Variants in LY6L observed in about 807,000 individuals in gnomAD.
LY6L encodes lymphocyte antigen 6 family member L.
In LY6L, 8 loss-of-function variants were observed where a neutral mutation model predicts 8.3. The ratio of observed to expected loss-of-function variants is 0.97; its 90% confidence interval spans 0.57 to 1.74. The LOEUF (loss-of-function observed/expected upper bound fraction) is 1.74, where lower values mean the gene tolerates loss of function less well. Among genes scored for constraint, LY6L ranks in the 40% most tolerant of loss-of-function variants. The probability of loss-of-function intolerance (pLI) is 0.00; values close to 1 mark genes in which losing one functional copy is unlikely to be tolerated. For synonymous variants in LY6L, 79 were observed against 77.9 expected (o/e 1.01, Z -0.07); for missense variants, 156 against 183.8 (o/e 0.85, Z 0.87).
Position 143,082,718 on chromosome 8 carries a change from C to T in LY6L, c.*67C>T. 8.8e-6 allele frequency: 11 copies of T among 1,248,006 alleles called. No individual in the cohort carries two copies. In the South Asian group the frequency reaches 1.6e-4, roughly 18 times the overall value. 77.3% of individuals were successfully genotyped at this position (1,248,006 alleles called of 1,614,324 possible). On this transcript the variant is annotated 3_prime_UTR_variant, in exon 4 of 4. Transcript: ENST00000562505. ...CCCGTCTCCTGCCTCCAACTGCCAT[C>T]CTGCCTCCGCCCCTTCCAGGACACT... is the stretch of plus-strand genomic sequence containing the variant.
rs987847442 is a variant in LY6L, at chr8:143,082,886, A to G, written c.*235A>G. 1.2e-5 allele frequency: 6 copies of G among 502,240 alleles called. No individual in the cohort carries two copies. The highest frequency in any genetic ancestry group is 2.1e-5 in the Non-Finnish European group (6 of 283,640). The allele number at this position is 502,240 out of a possible 1,614,324, so 31.1% of individuals were successfully genotyped here. A position where few individuals can be genotyped will look rare whatever the true frequency, so the allele number is the denominator to read the frequency against. ...GCAACTGCTCCTCCTGGGGAAGGAC[A>G]GTGCCTCTGATGTGGGTGATGGGAA... On this transcript the variant is annotated 3_prime_UTR_variant, in exon 4 of 4. Transcript: ENST00000562505.
Position 143,081,063 on chromosome 8 carries a change from C to T in LY6L, c.10C>T (p.Leu4Phe), listed in dbSNP as rs1221868062. Residue 4 changes from leucine (L) to phenylalanine (F), a missense_variant, in exon 2 of 4, where the codon CTC (leucine) becomes TTC (phenylalanine). Physicochemically the swap from Leu to Phe is conservative, Grantham distance 22 (BLOSUM62 0). Transcript: ENST00000562505. The part of the protein sequence containing the change: MER[L>F]VLTLCTLPLA... ...TGAGCCTTCTGGCGTCATGGAGAGGCTCGTCCTAACCCTGTGCACCCTCCC... is the reference window on the plus strand; with the variant it reads ...TGAGCCTTCTGGCGTCATGGAGAGGTTCGTCCTAACCCTGTGCACCCTCCC... 4.6e-6 allele frequency: 7 copies of T among 1,534,358 alleles called. No homozygotes were observed. In the African/African-American group the frequency reaches 6.8e-5, roughly 15 times the overall value.
Position 143,081,340 on chromosome 8 carries a change from C to G in LY6L, c.190+13C>G, listed in dbSNP as rs1185807089. On this transcript the variant is annotated intron_variant, in intron 3 of 3. Transcript: ENST00000562505. ...GTCGTCTCTTTTAGTGAGTCCCCCC[C>G]GGGCAGAGGGCAGGTGCCAGGTGCC... The G allele has an allele frequency of 4.8e-6, 7 of 1,463,824 alleles. No individual in the cohort carries two copies. Among genetic ancestry groups the G allele is most frequent in the Non-Finnish European group, 5.5e-6 (6 of 1,094,552 alleles). 90.7% of individuals were successfully genotyped at this position (1,463,824 alleles called of 1,614,324 possible).
chr8:143,081,322 C>T lies in LY6L; in HGVS notation c.185C>T (p.Ser62Phe). The T allele has an allele frequency of 2.0e-6, 3 of 1,518,642 alleles. No homozygotes were observed. The South Asian group carries it at 3.6e-5, about 18-fold the overall frequency. 94.1% of individuals were successfully genotyped at this position (1,518,642 alleles called of 1,614,324 possible). A position where few individuals can be genotyped will look rare whatever the true frequency, so the allele number is the denominator to read the frequency against. Residue 62 changes from serine (S) to phenylalanine (F), a missense_variant, in exon 3 of 4, where the codon TCT (serine) becomes TTT (phenylalanine). Transcript: ENST00000562505. ...TGCATCTCCAACGAGGTGGTCGTCT[C>T]TTTTAGTGAGTCCCCCCCGGGCAGA... is the stretch of plus-strand genomic sequence containing the variant. ...QVCISNEVVV[S>F]FKWSVRVLLS...
rs111431098 is a variant in LY6L, at chr8:143,080,788, C to T, written c.-19+129C>T. The T allele has an allele frequency of 6.1e-4, 281 of 457,832 alleles. 2 individuals carry two copies. The highest frequency in any genetic ancestry group is 5.1e-3 in the African/African-American group (251 of 49,374). The allele number at this position is 457,832 out of a possible 1,614,324, so 28.4% of individuals were successfully genotyped here. On this transcript the variant is annotated intron_variant, in intron 1 of 3. Transcript: ENST00000562505. ...GCAGAGGGCCCAGGGAGAGGGAATG[C>T]GGGGAAGGGAGGAGAGCGAGCGTCG... is the stretch of plus-strand genomic sequence containing the variant.
chr8:143,082,739 A>T lies in LY6L; in HGVS notation c.*88A>T. On this transcript the variant is annotated 3_prime_UTR_variant, in exon 4 of 4. Transcript: ENST00000562505. ...CCATCCTGCCTCCGCCCCTTCCAGG[A>T]CACTGGGGGGGGACCCTCCCTCTCT... 9.2e-7 allele frequency: 1 copy of T among 1,088,092 alleles called. No homozygotes were observed. Among genetic ancestry groups the T allele is most frequent in the Non-Finnish European group, 1.3e-6 (1 of 791,992 alleles). The allele number at this position is 1,088,092 out of a possible 1,614,324, so 67.4% of individuals were successfully genotyped here. A position where few individuals can be genotyped will look rare whatever the true frequency, so the allele number is the denominator to read the frequency against.
chr8:143,082,686 G>A lies in LY6L; in HGVS notation c.*35G>A. The A allele has an allele frequency of 7.1e-7, 1 of 1,410,100 alleles. No individual in the cohort carries two copies. Among genetic ancestry groups the A allele is most frequent in the South Asian group, 1.5e-5 (1 of 67,098 alleles). The allele number at this position is 1,410,100 out of a possible 1,614,324, so 87.3% of individuals were successfully genotyped here. A position where few individuals can be genotyped will look rare whatever the true frequency, so the allele number is the denominator to read the frequency against. On this transcript the variant is annotated 3_prime_UTR_variant, in exon 4 of 4. Transcript: ENST00000562505. The stretch of plus-strand genomic sequence containing the variant: ...CTTTACGCCCCCTCCTGGCCCTGCT[G>A]GCCCATCCCGTCTCCTGCCTCCAAC...
At position 143,083,094 on chromosome 8, in the gene LY6L, A is replaced by ATGGTG. The variant is rs1820463419; in HGVS notation, c.*443_*444insTGGTG. ...GCCTCCGGTGTGGGTGATGGGAAGG[A>ATGGTG]CGGTACCTCCGGTGTGGGTGACGGG... is the stretch of plus-strand genomic sequence containing the variant. On this transcript the variant is annotated 3_prime_UTR_variant, in exon 4 of 4. Coordinates refer to ENST00000562505, the MANE Select transcript of LY6L (RefSeq NM_001368160.2). The ATGGTG allele has an allele frequency of 1.0e-5, 2 of 194,510 alleles. No individual in the cohort carries two copies. The highest frequency in any genetic ancestry group is 1.7e-4 in the East Asian group (1 of 5,856). 12.0% of individuals were successfully genotyped at this position (194,510 alleles called of 1,614,324 possible).
chr8:143,082,242 C>A (rs150944982), intron 3 of LY6L, among the ~76,000 whole-genome samples, 183 bp from the exon 4 acceptor site: 1 of 152,348 alleles, frequency 6.6e-6, no homozygotes, highest in African/African-American at 2.4e-5. Context: ...AGCTCTGCAG[C>A]GCCTCACCCA....
chr8:143,082,400 C>T, intron 3 of LY6L, 25 bp from the exon 4 acceptor site: 1 of 1,501,528 alleles, frequency 6.7e-7, no homozygotes, highest in Non-Finnish European at 8.9e-7. Context: ...GCTCTGGGGC[C>T]ACCTGCCTCT....
chr8:143,082,362 G>A (rs1019586602), intron 3 of LY6L, 63 bp from the exon 4 acceptor site: 33 of 1,225,384 alleles, frequency 2.7e-5, no homozygotes, highest in East Asian at 1.0e-4. Flanking sequence ...TGCACTTTCC[G>A]CATAACTGTG....
At chr8:143,082,357 T>C in intron 3 of LY6L, 68 bp from the exon 4 acceptor site, 2 of 1,192,752 alleles carry the variant, frequency 1.7e-6, no homozygotes, top group Non-Finnish European at 1.2e-6. Context: ...ATCCTTGCAC[T>C]TTCCGCATAA....
chr8:143,082,899 T>C lies in LY6L; in HGVS notation c.*248T>C, dbSNP rs1318720069. 2.1e-6 allele frequency: 1 copy of C among 484,024 alleles called. No individual in the cohort carries two copies. The highest frequency in any genetic ancestry group is 3.7e-6 in the Non-Finnish European group (1 of 273,524). The allele number at this position is 484,024 out of a possible 1,614,324, so 30.0% of individuals were successfully genotyped here. On this transcript the variant is annotated 3_prime_UTR_variant, in exon 4 of 4. Transcript: ENST00000562505. The stretch of plus-strand genomic sequence containing the variant: ...CTGGGGAAGGACAGTGCCTCTGATG[T>C]GGGTGATGGGAAGGACGGTGCCTCT...
chr8:143,080,896 G>A, intron 1 of LY6L, 140 bp from the exon 2 acceptor site: 2 of 626,740 alleles, frequency 3.2e-6, no homozygotes, highest in Non-Finnish European at 5.4e-6. Flanking sequence ...GGACGTCCTG[G>A]GTGAAGCCGC....
At chr8:143,081,471 G>C in intron 3 of LY6L, 144 bp downstream of exon 3, 1 of 558,220 alleles carries the variant, frequency 1.8e-6, no homozygotes, top group Non-Finnish European at 3.1e-6. Flanking sequence ...TGTCTCTCCC[G>C]CGCTGGGCTC....
In LY6L at chr8:143,080,889, C is replaced by A. The variant is rs1013144399; in HGVS notation, c.-18-147C>A. 7.5e-5 allele frequency: 44 copies of A among 588,910 alleles called. 1 individual carries two copies. The highest frequency in any genetic ancestry group is 4.5e-4 in the Middle Eastern group (1 of 2,216). The allele number at this position is 588,910 out of a possible 1,614,324, so 36.5% of individuals were successfully genotyped here. On this transcript the variant is annotated intron_variant, in intron 1 of 3. Transcript: ENST00000562505. ...AGCGCAGGAGGCTGGAGGTGGGGGA[C>A]GTCCTGGGTGAAGCCGCGTCCGGGA...
chr8:143,080,983 G>A, intron 1 of LY6L, 53 bp from the exon 2 acceptor site: 1 of 1,325,854 alleles, frequency 7.5e-7, no homozygotes, highest in Non-Finnish European at 1.0e-6. Context: ...AGGAAGCTGG[G>A]GAGGGGGCTC....
rs1007697866 is a variant in LY6L at position 143,082,454 on chromosome 8, C to T, written c.220C>T (p.Arg74Cys). 35 of 1,535,424 alleles carry T rather than the reference C, an allele frequency of 2.3e-5. No individual in the cohort carries two copies. The East Asian group carries it at 3.9e-4, about 17-fold the overall frequency. Residue 74 changes from arginine (R) to cysteine (C), a missense_variant, in exon 4 of 4, where the codon CGC (arginine) becomes TGC (cysteine). Physicochemically the swap from Arg to Cys is radical, Grantham distance 180. Transcript: ENST00000562505. Reference protein sequence around the residue: ...KWSVRVLLSKRCAPRCPNDNM... With the variant: ...KWSVRVLLSKCCAPRCPNDNM... The stretch of plus-strand genomic sequence containing the variant: ...GAGTGTACGCGTCCTGCTCAGCAAA[C>T]GCTGTGCTCCCAGATGTCCCAACGA...
Position 143,081,027 on chromosome 8 carries a change from C to T in LY6L, c.-18-9C>T, listed in dbSNP as rs1255240275. On this transcript the variant is annotated splice_polypyrimidine_tract_variant and intron_variant, in intron 1 of 3. Transcript: ENST00000562505. The stretch of plus-strand genomic sequence containing the variant: ...AAGCCTCCCGCAACACCCACCTCAC[C>T]CCACTCAGGCTGAGCCTTCTGGCGT... 1.3e-6 allele frequency: 2 copies of T among 1,523,204 alleles called. No individual in the cohort carries two copies. The highest frequency in any genetic ancestry group is 2.0e-5 in the Admixed American group (1 of 50,620). 94.4% of individuals were successfully genotyped at this position (1,523,204 alleles called of 1,614,324 possible). A position where few individuals can be genotyped will look rare whatever the true frequency, so the allele number is the denominator to read the frequency against.
Sources: gnomAD v4.1 joint callset for allele counts (sites outside exome capture counted in the v4.1 genomes callset) on GRCh38, gnomAD v4.1.1 for gene constraint, MANE v1.5 for transcripts, NCBI Gene and HGNC (gene_info 2026-07-23, HGNC 2026-07-21) for gene names.